The following ASNS variants were observed in gnomAD, a reference collection of about 807,000 sequenced individuals.
ASNS encodes the protein asparagine synthetase (glutamine-hydrolyzing).
ASNS carries 37 observed loss-of-function variants against 62.6 expected under a neutral mutation model. That is an observed-to-expected ratio of 0.59 (90% CI 0.45 to 0.78). The LOEUF (loss-of-function observed/expected upper bound fraction) is 0.78. Among genes scored for constraint, ASNS ranks in the 30% least tolerant of loss-of-function variants. The pLI is 0.00. For missense variants in ASNS, 520 were observed against 682.4 expected (o/e 0.76, Z 2.65); for synonymous variants, 207 against 237.9 (o/e 0.87, Z 1.19).
the ASNS span, among the ~76,000 whole-genome samples, chr7:97,922,884 C>G: frequency 6.6e-6 from 1 of 151,418 alleles, no homozygotes; most frequent in Non-Finnish European, 1.5e-5. Context: ...CTCTGTCTCC[C>G]AGGTTCAAAT....
Position 97,851,932 on chromosome 7 carries a change from C to T in ASNS, c.*327G>A. On this transcript the variant is annotated 3_prime_UTR_variant, in exon 13 of 13. Coordinates refer to ENST00000394308, the MANE Select transcript of ASNS (RefSeq NM_001673.5). Reference sequence around the variant, plus strand: ...TGACGTCCCTAAGATGAGGCAAGGACTGGAAGGAAGCCACACGGGCACAAG... The same window carrying T: ...TGACGTCCCTAAGATGAGGCAAGGATTGGAAGGAAGCCACACGGGCACAAG... The T allele has an allele frequency of 3.1e-6, 1 of 324,890 alleles. No individual in the cohort carries two copies. The highest frequency in any genetic ancestry group is 5.8e-6 in the Non-Finnish European group (1 of 171,376). 20.1% of individuals were successfully genotyped at this position (324,890 alleles called of 1,614,324 possible). A position where few individuals can be genotyped will look rare whatever the true frequency, so the allele number is the denominator to read the frequency against.
the ASNS span, among the ~76,000 whole-genome samples, chr7:97,881,930 C>T: frequency 6.6e-6 from 1 of 151,988 alleles, no homozygotes; most frequent in African/African-American, 2.4e-5. Context: ...GGACACAGGA[C>T]ACCTCTGCCT....
Position 97,852,389 on chromosome 7 carries a change from C to A in ASNS, c.1556G>T (p.Arg519Leu), listed in dbSNP as rs568570377. The change falls in exon 13 of 13, where the codon CGT (arginine) becomes CTT (leucine). Residue 519 changes from arginine to leucine, a missense_variant. Physicochemically the swap from Arg to Leu is moderately radical, Grantham distance 102. Transcript: ENST00000394308. Reference protein sequence around the residue: ...TPKTKEGYYYRQVFERHYPGR... With the variant: ...TPKTKEGYYYLQVFERHYPGR... The stretch of plus-strand genomic sequence containing the variant: ...TGGGTAATGGCGTTCAAAGACTTGA[C>A]GGTAGTAATATCCTTCTTTGGTTTT... The A allele has an allele frequency of 1.2e-6, 2 of 1,614,086 alleles. No individual in the cohort carries two copies. Among genetic ancestry groups the A allele is most frequent in the African/African-American group, 2.7e-5 (2 of 75,018 alleles).
At chr7:97,923,375 A>C in the ASNS span, among the ~76,000 whole-genome samples, 1 of 152,056 alleles carries the variant, frequency 6.6e-6, no homozygotes, top group Non-Finnish European at 1.5e-5. Context: ...CGATCACTTG[A>C]GGTCAGGAGT....
At chr7:97,875,861 ATT>A (rs34906277), upstream of ASNS, among the ~76,000 whole-genome samples, 88 of 148,696 alleles carry the variant, frequency 5.9e-4, no homozygotes, top group African/African-American at 2.1e-3. Flanking sequence ...TTATTAGGCA[ATT>A]TTTTTTTTTT....
intron 12 of ASNS, among the ~76,000 whole-genome samples, 175 bp from the exon 13 acceptor site, chr7:97,852,643 G>A (rs1314330312): frequency 6.6e-6 from 1 of 152,160 alleles, no homozygotes; most frequent in Non-Finnish European, 1.5e-5. Context: ...TAGCTGCAGT[G>A]CCTTTTAAAG....
At chr7:97,890,169 A>C in the ASNS span, among the ~76,000 whole-genome samples, 1 of 152,100 alleles carries the variant, frequency 6.6e-6, no homozygotes, top group South Asian at 2.1e-4. Context: ...AAAGAAAGAA[A>C]AAAGAATGAA....
chr7:97,915,519 G>T, the ASNS span, among the ~76,000 whole-genome samples: 1 of 152,212 alleles, frequency 6.6e-6, no homozygotes, highest in Non-Finnish European at 1.5e-5. Context: ...TCTTGAAGGG[G>T]AAGGATGACA....
At chr7:97,912,565 CTTTTTTTTTTTTT>C in the ASNS span, among the ~76,000 whole-genome samples, 6 of 41,496 alleles carry the variant, frequency 1.4e-4, no homozygotes, top group African/African-American at 6.1e-4. Context: ...GTTAACTTTG[CTTTTTTTTTTTTT>C]TTTTTTTTTT....
the ASNS span, among the ~76,000 whole-genome samples, chr7:97,896,798 G>A: frequency 5.4e-5 from 6 of 111,370 alleles, no homozygotes; most frequent in Admixed American, 1.2e-4. Flanking sequence ...CCAAAACAGC[G>A]TGTATTGGTA....
the ASNS span, among the ~76,000 whole-genome samples, chr7:97,905,657 C>T: frequency 2.4e-4 from 37 of 152,300 alleles, no homozygotes; most frequent in African/African-American, 8.9e-4. Context: ...CCCTCTTCCT[C>T]TGCCTTTCCC....
rs75618284 is a variant in ASNS, at chr7:97,851,916, T to A, written c.*343A>T. On this transcript the variant is annotated 3_prime_UTR_variant, in exon 13 of 13. Coordinates refer to ENST00000394308, the MANE Select transcript of ASNS (RefSeq NM_001673.5). ...TAGTGTAGTCCTTTGATGACGTCCC[T>A]AAGATGAGGCAAGGACTGGAAGGAA... 6.9e-3 allele frequency: 2,016 copies of A among 291,066 alleles called. 31 individuals carry two copies. The highest frequency in any genetic ancestry group is 0.034 in the African/African-American group (1,580 of 46,112). 18.0% of individuals were successfully genotyped at this position (291,066 alleles called of 1,614,324 possible). A position where few individuals can be genotyped will look rare whatever the true frequency, so the allele number is the denominator to read the frequency against.
At chr7:97,908,527 C>T in the ASNS span, 6 of 151,702 alleles carry the variant, frequency 4.0e-5, no homozygotes, top group African/African-American at 4.8e-5. Flanking sequence ...CAGTCTCCCC[C>T]GTAGCTGGGA....
chr7:97,899,895 G>A, the ASNS span, among the ~76,000 whole-genome samples: 3 of 152,144 alleles, frequency 2.0e-5, no homozygotes, highest in Non-Finnish European at 4.4e-5. Flanking sequence ...ATTTTGTGTG[G>A]ACCTGTGCTT....
Position 97,854,627 on chromosome 7 carries a change from G to GAGTT in ASNS, c.1187_1190dup (p.Tyr398ThrfsTer5). On this transcript the variant is annotated frameshift_variant, in exon 10 of 13. Transcript: ENST00000394308. LOFTEE classifies it high-confidence loss of function. ...CTGCGCGGAGAACATCAAACAAATA[G>GAGTT]AGTTCCCTCAGAAGCCTCTCACTCT... The GAGTT allele has an allele frequency of 6.2e-7, 1 of 1,614,122 alleles. No individual in the cohort carries two copies. Among genetic ancestry groups the GAGTT allele is most frequent in the Non-Finnish European group, 8.5e-7 (1 of 1,180,018 alleles).
At chr7:97,852,735 C>A (rs1276527692) in intron 12 of ASNS, among the ~76,000 whole-genome samples, 7 of 152,100 alleles carry the variant, frequency 4.6e-5, no homozygotes, top group Non-Finnish European at 1.0e-4. Context: ...CCAGCAGGTG[C>A]CCAAAAATCT....
the ASNS span, among the ~76,000 whole-genome samples, chr7:97,882,809 T>C: frequency 1.3e-5 from 2 of 152,170 alleles, no homozygotes; most frequent in African/African-American, 4.8e-5. Context: ...AGACTGGAGC[T>C]GTGGATGAAA....
chr7:97,916,998 G>A, the ASNS span, among the ~76,000 whole-genome samples: 4 of 152,082 alleles, frequency 2.6e-5, no homozygotes, highest in East Asian at 1.9e-4. Context: ...AAAGTGGCCC[G>A]AGAGGATCTT....
upstream of ASNS, among the ~76,000 whole-genome samples, chr7:97,873,705 T>A (rs1215029337): frequency 6.6e-6 from 1 of 152,190 alleles, no homozygotes; most frequent in African/African-American, 2.4e-5. Context: ...TGAGTCATAA[T>A]CTGTGTAAAC....
Sources: allele counts gnomAD v4.1 joint callset (sites outside exome capture counted in the v4.1 genomes callset), GRCh38; gene constraint gnomAD v4.1.1; transcripts MANE v1.5; gene names NCBI Gene and HGNC (gene_info 2026-07-23, HGNC 2026-07-21).